The following SETBP1 variants were observed in gnomAD, a reference collection of about 807,000 sequenced individuals.
SETBP1 encodes SET binding protein 1.
SETBP1 carries 9 observed loss-of-function variants against 101.0 expected under a neutral mutation model. That is an observed-to-expected ratio of 0.09 (90% CI 0.05 to 0.16). SETBP1 has a LOEUF of 0.16. SETBP1 is among the 10% of genes least tolerant of loss of function. SETBP1 has a pLI of 1.00. For synonymous variants in SETBP1, 818 were observed against 788.5 expected, an observed-to-expected ratio of 1.04 and a Z score of -0.63; for missense variants, 1,858 against 2,033.8, an observed-to-expected ratio of 0.91 and a Z score of 1.66.
intron 2 of SETBP1, among the ~76,000 whole-genome samples, chr18:44,776,057 T>G (rs957508951): frequency 6.6e-6 from 1 of 152,240 alleles, no homozygotes; most frequent in Admixed American, 6.5e-5. Flanking sequence ...TCATCTCCTA[T>G]GAAGTCCGGA....
chr18:44,747,499 G>A (rs1314863687), intron 2 of SETBP1, among the ~76,000 whole-genome samples: 2 of 152,248 alleles, frequency 1.3e-5, no homozygotes, highest in Non-Finnish European at 2.9e-5. Flanking sequence ...AGAATGGCAG[G>A]GAGGAGCTTT....
chr18:44,731,941 T>A (rs965088717), intron 2 of SETBP1, among the ~76,000 whole-genome samples: 5 of 152,222 alleles, frequency 3.3e-5, no homozygotes, highest in African/African-American at 1.2e-4. Flanking sequence ...AGAATCAGGA[T>A]TTCCATAGCA....
intron 2 of SETBP1, among the ~76,000 whole-genome samples, chr18:44,765,925 A>G (rs927327237): frequency 3.3e-5 from 5 of 152,280 alleles, no homozygotes; most frequent in African/African-American, 1.2e-4. Flanking sequence ...GTAAATGATT[A>G]TAATAGTAAT....
intron 2 of SETBP1, among the ~76,000 whole-genome samples, chr18:44,777,433 T>C (rs977595221): frequency 6.6e-6 from 1 of 152,236 alleles, no homozygotes; most frequent in African/African-American, 2.4e-5. Context: ...TGTTAGATTG[T>C]GGCTGTCATT....
At chr18:45,051,869 T>G (rs1964258624) in intron 5 of SETBP1, among the ~76,000 whole-genome samples, 1 of 152,238 alleles carries the variant, frequency 6.6e-6, no homozygotes, top group African/African-American at 2.4e-5. Flanking sequence ...CTGAGAGACT[T>G]TCAGTTAATG....
intron 2 of SETBP1, among the ~76,000 whole-genome samples, chr18:44,734,693 C>T (rs1356198908): frequency 6.6e-6 from 1 of 152,134 alleles, no homozygotes; most frequent in East Asian, 1.9e-4. Flanking sequence ...TCAGCTCATG[C>T]CTTCCTTACC....
In SETBP1 at chr18:44,989,638, G is replaced by A. The variant is rs529633157; in HGVS notation, c.4000+36298G>A. ...GGATTAAAAAAAAATTATCTGCCGA[G>A]GCGGGCGGATCACGAGGTCAGGAGA... On this transcript the variant is annotated intron_variant, in intron 4 of 5. Transcript: ENST00000649279. Among the ~76,000 whole-genome samples the A allele has an allele frequency of 1.5e-4, 23 of 151,652 alleles. No individual in the cohort carries two copies. The South Asian group carries it at 3.9e-3, about 26-fold the overall frequency.
At chr18:44,713,718 C>G (rs1214106012) in intron 2 of SETBP1, among the ~76,000 whole-genome samples, 1 of 152,208 alleles carries the variant, frequency 6.6e-6, no homozygotes, top group East Asian at 1.9e-4. Context: ...TCAAGGAAAC[C>G]TGCCAAACTA....
chr18:44,718,986 C>T (rs1276112854), intron 2 of SETBP1, among the ~76,000 whole-genome samples: 1 of 152,112 alleles, frequency 6.6e-6, no homozygotes, highest in Non-Finnish European at 1.5e-5. Context: ...TCAAGCAGAA[C>T]AAGGTGAGAT....
chr18:44,841,516 G>T (rs182935130), intron 2 of SETBP1, among the ~76,000 whole-genome samples: 5 of 152,300 alleles, frequency 3.3e-5, no homozygotes, highest in Admixed American at 3.3e-4. Flanking sequence ...GAGTACCAAA[G>T]AATTTGTGGA....
chr18:44,935,404 A>G (rs2070936472), intron 3 of SETBP1, among the ~76,000 whole-genome samples: 1 of 152,002 alleles, frequency 6.6e-6, no homozygotes, highest in South Asian at 2.1e-4. Context: ...TTTCTTATCT[A>G]TTTTTTTCTT....
intron 4 of SETBP1, among the ~76,000 whole-genome samples, chr18:44,984,026 C>A (rs2072173535): frequency 6.8e-6 from 1 of 147,148 alleles, no homozygotes; most frequent in Non-Finnish European, 1.5e-5. Flanking sequence ...CATGGTGAAA[C>A]CCCGTCTCTA....
intron 2 of SETBP1, among the ~76,000 whole-genome samples, chr18:44,859,879 G>A (rs974642426): frequency 7.9e-5 from 12 of 152,108 alleles, no homozygotes; most frequent in South Asian, 2.1e-4. Context: ...TATCCCTTTC[G>A]GATGCCCACC....
chr18:45,055,916 C>T (rs537439534), intron 5 of SETBP1, among the ~76,000 whole-genome samples: 1 of 152,164 alleles, frequency 6.6e-6, no homozygotes, highest in Admixed American at 6.5e-5. Context: ...ATGGTGGAAA[C>T]ATTTGCAATA....
chr18:44,826,806 A>G (rs1365316978), intron 2 of SETBP1, among the ~76,000 whole-genome samples: 2 of 152,112 alleles, frequency 1.3e-5, no homozygotes, highest in Admixed American at 1.3e-4. Context: ...CCAACCCCCA[A>G]ACAAAGGAGG....
intron 4 of SETBP1, among the ~76,000 whole-genome samples, chr18:45,016,407 G>A (rs1169802011): frequency 6.6e-6 from 1 of 152,056 alleles, no homozygotes; most frequent in Non-Finnish European, 1.5e-5. Context: ...TGGTGGGGGA[G>A]AGTGTGGACC....
chr18:45,040,304 ACTC>A (rs1156935840), intron 5 of SETBP1, among the ~76,000 whole-genome samples: 1 of 151,646 alleles, frequency 6.6e-6, no homozygotes, highest in Admixed American at 6.6e-5. Flanking sequence ...AGAGGAAGTT[ACTC>A]CTGAGACTTG....
chr18:45,007,571 G>T (rs530008658), intron 4 of SETBP1, among the ~76,000 whole-genome samples: 2 of 151,880 alleles, frequency 1.3e-5, no homozygotes, highest in African/African-American at 4.8e-5. Flanking sequence ...GCACCAGGAC[G>T]CAGTCTCCTG....
At chr18:44,859,165 AC>A (rs1283293051) in intron 2 of SETBP1, among the ~76,000 whole-genome samples, 1 of 152,220 alleles carries the variant, frequency 6.6e-6, no homozygotes, top group African/African-American at 2.4e-5. Context: ...AGTGTATAGT[AC>A]AAAATCCTTT....
Sources: allele counts gnomAD v4.1 joint callset (sites outside exome capture counted in the v4.1 genomes callset), GRCh38; gene constraint gnomAD v4.1.1; transcripts MANE v1.5; gene names NCBI Gene and HGNC (gene_info 2026-07-23, HGNC 2026-07-21).